The following SULT1A1 variants were observed in gnomAD, a reference collection of about 807,000 sequenced individuals.
SULT1A1 encodes sulfotransferase family 1A member 1, also known as sulfotransferase 1A1.
In SULT1A1, 35 loss-of-function variants were observed where a neutral mutation model predicts 36.8. The ratio of observed to expected loss-of-function variants is 0.95; its 90% confidence interval spans 0.73 to 1.26. The LOEUF is 1.26. SULT1A1 is among the 50% of genes most tolerant of loss of function. The pLI is 0.00. For synonymous variants in SULT1A1, 119 were observed against 146.0 expected, an observed-to-expected ratio of 0.82 and a Z score of 1.33; for missense variants, 309 against 383.0, an observed-to-expected ratio of 0.81 and a Z score of 1.61.
At chr16:28,611,532 C>G (rs1339233157), upstream of SULT1A1, 1 of 152,370 alleles carries the variant, frequency 6.6e-6, no homozygotes, top group Non-Finnish European at 1.5e-5. Flanking sequence ...TTCCTGGACT[C>G]TTCATGAATA....
intron 2 of SULT1A1, among the ~76,000 whole-genome samples, chr16:28,617,175 C>T (rs570500225): frequency 6.6e-6 from 1 of 152,030 alleles, no homozygotes; most frequent in Non-Finnish European, 1.5e-5. Flanking sequence ...GCCACCATGA[C>T]CAGCTCATTT....
chr16:28,606,055 C>A lies in SULT1A1; in HGVS notation c.775+1G>T, dbSNP rs748242938. ...AAACCCCCGTGCTGGCCAGCACCCA[C>A]CTTTCCTCATGAAGGGGGAGATGCT... On this transcript the variant is annotated splice_donor_variant, in intron 7 of 7. Coordinates refer to ENST00000314752, the MANE Select transcript of SULT1A1 (RefSeq NM_001055.4). LOFTEE classifies it high-confidence loss of function. The A allele has an allele frequency of 3.7e-6, 6 of 1,610,758 alleles. No individual in the cohort carries two copies. In the Admixed American group the frequency reaches 1.0e-4, roughly 27 times the overall value.
chr16:28,609,913 T>A lies in SULT1A1; in HGVS notation c.-5+18A>T, dbSNP rs963655384. On this transcript the variant is annotated intron_variant, in intron 1 of 7. Coordinates refer to ENST00000314752, the MANE Select transcript of SULT1A1 (RefSeq NM_001055.4). ...AGCAGGGTGAGGGCGCCCTGGGCCG[T>A]TCCACTGTGTCACTCACCTGAGCTC... 1 of 1,282,420 alleles carries A rather than the reference T, an allele frequency of 7.8e-7. No individual in the cohort carries two copies. Among genetic ancestry groups the A allele is most frequent in the African/African-American group, 1.5e-5 (1 of 65,762 alleles). The allele number at this position is 1,282,420 out of a possible 1,614,324, so 79.4% of individuals were successfully genotyped here.
At chr16:28,619,584 G>A (rs1415924876) in intron 2 of SULT1A1, among the ~76,000 whole-genome samples, 1 of 152,028 alleles carries the variant, frequency 6.6e-6, no homozygotes, top group Admixed American at 6.6e-5. Context: ...GCTGGGTGTG[G>A]TGGCACATGC....
upstream of SULT1A1, chr16:28,611,342 A>G (rs1415177973): frequency 6.6e-6 from 1 of 152,108 alleles, no homozygotes; most frequent in Non-Finnish European, 1.5e-5. Flanking sequence ...GATGAGGACC[A>G]AGCTGGCTAC....
At chr16:28,618,640 G>A (rs557524271) in intron 2 of SULT1A1, among the ~76,000 whole-genome samples, 37 of 152,136 alleles carry the variant, frequency 2.4e-4, no homozygotes, top group African/African-American at 7.5e-4. Context: ...CACCGTGCCC[G>A]GCCTAAATTT....
upstream of SULT1A1, chr16:28,610,595 ATG>A: frequency 4.8e-6 from 1 of 206,814 alleles, no homozygotes; most frequent in Non-Finnish European, 1.0e-5. Context: ...CAGAGCATGG[ATG>A]CATAGAACAA....
In SULT1A1 at chr16:28,609,931, C is replaced by T. The variant is rs2151701268; in HGVS notation, c.-5G>A. On this transcript the variant is annotated splice_region_variant and 5_prime_UTR_variant, in exon 1 of 8. Transcript: ENST00000314752. ...TGGGCCGTTCCACTGTGTCACTCAC[C>T]TGAGCTCTTGGGAACCTGGCCTCGT... The T allele has an allele frequency of 1.6e-6, 2 of 1,286,654 alleles. No homozygotes were observed. The highest frequency in any genetic ancestry group is 2.5e-5 in the South Asian group (2 of 80,758). The allele number at this position is 1,286,654 out of a possible 1,614,324, so 79.7% of individuals were successfully genotyped here.
In SULT1A1 at chr16:28,605,657, G is replaced by C; in HGVS notation, c.*164C>G. 8.4e-7 allele frequency: 1 copy of C among 1,188,512 alleles called. No individual in the cohort carries two copies. Among genetic ancestry groups the C allele is most frequent in the South Asian group, 1.3e-5 (1 of 74,106 alleles). The allele number at this position is 1,188,512 out of a possible 1,614,324, so 73.6% of individuals were successfully genotyped here. On this transcript the variant is annotated 3_prime_UTR_variant, in exon 8 of 8. Transcript: ENST00000314752. ...GAATCTCACTATGTTGCCCAGGTTG[G>C]TCTCGAACTCCTGGGCTCAAATGAT...
At chr16:28,621,831 A>G (rs2047662798) in intron 1 of SULT1A1, among the ~76,000 whole-genome samples, 1 of 152,300 alleles carries the variant, frequency 6.6e-6, no homozygotes. Context: ...GATAGAGGCC[A>G]CAGGGACCCT....
exon 1 of SULT1A1, chr16:28,623,216 C>T (rs1327758111): frequency 3.9e-6 from 6 of 1,545,762 alleles, no homozygotes; most frequent in Non-Finnish European, 5.2e-6. Flanking sequence ...GCGCTCGGCC[C>T]GGGAGCGCGC....
chr16:28,611,156 C>T (rs1015382518), upstream of SULT1A1: 1 of 152,226 alleles, frequency 6.6e-6, no homozygotes, highest in Non-Finnish European at 1.5e-5. Flanking sequence ...TTGTATTGCA[C>T]TCTAGTAACA....
upstream of SULT1A1, chr16:28,610,347 A>G (rs1248943855): frequency 1.9e-5 from 12 of 641,262 alleles, no homozygotes; most frequent in Non-Finnish European, 2.7e-5. Context: ...CAGGCAGCCA[A>G]CAGACAAGCT....
upstream of SULT1A1, chr16:28,610,228 C>T: frequency 8.1e-7 from 1 of 1,228,492 alleles, no homozygotes. Context: ...GGGAAAGGCC[C>T]AATGGTGGGT....
intron 1 of SULT1A1, among the ~76,000 whole-genome samples, chr16:28,622,705 T>C (rs1285771490): frequency 6.6e-6 from 1 of 152,052 alleles, no homozygotes; most frequent in Non-Finnish European, 1.5e-5. Flanking sequence ...TGTCCCACGA[T>C]TGGTTCACGG....
In SULT1A1 at chr16:28,608,759, T is replaced by A; in HGVS notation, c.97A>T (p.Ser33Cys). 1 of 1,612,700 alleles carries A rather than the reference T, an allele frequency of 6.2e-7. No individual in the cohort carries two copies. Among genetic ancestry groups the A allele is most frequent in the Non-Finnish European group, 8.5e-7 (1 of 1,179,406 alleles). ...YFAEALGPLQ[S>C]FQARPDDLLI... ...AGGTCATCAGGCCGGGCCTGGAAGC[T>A]CTGCAGGGGCCCCAGTGCCTCTGCA... is the stretch of plus-strand genomic sequence containing the variant. Residue 33 changes from serine to cysteine, a missense_variant, in exon 2 of 8, where the codon AGC (serine) becomes TGC (cysteine). Transcript: ENST00000314752.
Position 28,606,873 on chromosome 16 carries a change from G to A in SULT1A1, c.500-18C>T. On this transcript the variant is annotated intron_variant, in intron 5 of 7. Coordinates refer to ENST00000314752, the MANE Select transcript of SULT1A1 (RefSeq NM_001055.4). ...GTAGGACACTGGAGAAGCAGGCAAG[G>A]GGTGCCAACACAGGGTTGCTGTGCG... is the stretch of plus-strand genomic sequence containing the variant. 1 of 1,612,480 alleles carries A rather than the reference G, an allele frequency of 6.2e-7. No homozygotes were observed. The highest frequency in any genetic ancestry group is 8.5e-7 in the Non-Finnish European group (1 of 1,178,684).
At chr16:28,607,463 C>T (rs372604091) in intron 4 of SULT1A1, 15 of 205,002 alleles carry the variant, frequency 7.3e-5, no homozygotes, top group East Asian at 2.2e-4. Flanking sequence ...CAGTCCCCGC[C>T]GCAGAAGATG....
At position 28,610,020 on chromosome 16, in the gene SULT1A1, G is replaced by C. The variant is rs1192297419; in HGVS notation, c.-94C>G. Reference sequence around the variant, plus strand: ...TGGGGAATGCAGGGTTGTTCTCTGAGCTGAGGGTTTCCTAGGTCCACTGTG... The same window carrying C: ...TGGGGAATGCAGGGTTGTTCTCTGACCTGAGGGTTTCCTAGGTCCACTGTG... On this transcript the variant is annotated 5_prime_UTR_variant, in exon 1 of 8. Coordinates refer to ENST00000314752, the MANE Select transcript of SULT1A1 (RefSeq NM_001055.4). The C allele has an allele frequency of 1.6e-6, 2 of 1,287,004 alleles. No individual in the cohort carries two copies. Among genetic ancestry groups the C allele is most frequent in the Admixed American group, 2.3e-5 (1 of 43,176 alleles). 79.7% of individuals were successfully genotyped at this position (1,287,004 alleles called of 1,614,324 possible). A position where few individuals can be genotyped will look rare whatever the true frequency, so the allele number is the denominator to read the frequency against.
Sources: allele counts gnomAD v4.1 joint callset (sites outside exome capture counted in the v4.1 genomes callset), GRCh38; gene constraint gnomAD v4.1.1; transcripts MANE v1.5; gene names NCBI Gene and HGNC (gene_info 2026-07-23, HGNC 2026-07-21).